Variants in ADK observed in about 807,000 individuals in gnomAD.
The protein encoded by ADK is N6,N6-dimethyladenosine kinase.
In ADK, 24 loss-of-function variants were observed where a neutral mutation model predicts 44.7. The ratio of observed to expected loss-of-function variants is 0.54; its 90% CI spans 0.39 to 0.76. The LOEUF is 0.76. Ranked by LOEUF, ADK falls within the 30% of genes least tolerant of loss-of-function variation. The probability of loss-of-function intolerance (pLI) is 0.00; values close to 1 mark genes in which losing one functional copy is unlikely to be tolerated. For missense variants in ADK, 321 were observed against 425.1 expected (o/e 0.76, Z 2.15); for synonymous variants, 128 against 142.6 (o/e 0.90, Z 0.73).
At chr10:74,399,512 C>T (rs1294091957) in intron 6 of ADK, among the ~76,000 whole-genome samples, 2 of 151,820 alleles carry the variant, frequency 1.3e-5, no homozygotes, top group Non-Finnish European at 2.9e-5. Context: ...CCCTTTATAA[C>T]TGTCAAATAA....
At chr10:74,601,382 C>A (rs1420580697) in intron 9 of ADK, among the ~76,000 whole-genome samples, 3 of 151,866 alleles carry the variant, frequency 2.0e-5, no homozygotes, top group Non-Finnish European at 4.4e-5. Context: ...TATTTTCTTT[C>A]TTTTTTAAAA....
chr10:74,582,898 G>A (rs1311757727), intron 7 of ADK, among the ~76,000 whole-genome samples: 1 of 152,104 alleles, frequency 6.6e-6, no homozygotes, highest in Non-Finnish European at 1.5e-5. Context: ...GGAAAAGCTA[G>A]TAGAGATACT....
intron 6 of ADK, among the ~76,000 whole-genome samples, chr10:74,501,810 G>A (rs190596039): frequency 5.3e-4 from 81 of 152,238 alleles, no homozygotes; most frequent in East Asian, 1.9e-3. Context: ...TAAATCCACA[G>A]AAACAAAAGC....
intron 7 of ADK, among the ~76,000 whole-genome samples, chr10:74,565,049 T>C (rs1850604373): frequency 6.6e-6 from 1 of 152,212 alleles, no homozygotes; most frequent in African/African-American, 2.4e-5. Flanking sequence ...TTTCTTTCCC[T>C]ATTCTGTGCC....
chr10:74,347,387 C>T (rs1034425145), intron 4 of ADK, among the ~76,000 whole-genome samples: 4 of 152,046 alleles, frequency 2.6e-5, no homozygotes, highest in African/African-American at 9.7e-5. Flanking sequence ...CTATCTGGCC[C>T]AGATACCATG....
rs944193857 is a variant in ADK at position 74,441,109 on chromosome 10, A to G, written c.555+42530A>G. The stretch of plus-strand genomic sequence containing the variant: ...TATGAACACCACCTTAGTTTTTATG[A>G]ACTCAGGACCTTACCTCCACTTTAT... On this transcript the variant is annotated intron_variant, in intron 6 of 10. Coordinates refer to ENST00000539909, the MANE Select transcript of ADK (RefSeq NM_006721.4). Among the ~76,000 whole-genome samples the G allele has an allele frequency of 8.5e-5, 13 of 152,326 alleles. No homozygotes were observed. In the South Asian group the frequency reaches 1.7e-3, roughly 19 times the overall value.
intron 9 of ADK, among the ~76,000 whole-genome samples, chr10:74,631,439 T>G (rs1853420139): frequency 1.3e-5 from 2 of 150,872 alleles, no homozygotes; most frequent in African/African-American, 4.9e-5. Context: ...TTTTTTTTAG[T>G]AGAGATGGGG....
chr10:74,580,740 C>A (rs999267951), intron 7 of ADK, among the ~76,000 whole-genome samples: 1 of 152,044 alleles, frequency 6.6e-6, no homozygotes, highest in East Asian at 1.9e-4. Context: ...TGTAAACTGC[C>A]CAGTCTTGGG....
chr10:74,273,459 CT>C (rs200697640), intron 3 of ADK, among the ~76,000 whole-genome samples: 42 of 147,408 alleles, frequency 2.8e-4, no homozygotes, highest in African/African-American at 6.7e-4. Flanking sequence ...TCTTCTTCTT[CT>C]TTTTTTTTTT....
At chr10:74,461,692 A>T (rs963966883) in intron 6 of ADK, among the ~76,000 whole-genome samples, 1 of 152,082 alleles carries the variant, frequency 6.6e-6, no homozygotes, top group Non-Finnish European at 1.5e-5. Flanking sequence ...TTATCTTTAC[A>T]GGTACTAGAC....
chr10:74,251,920 G>A (rs949927539), intron 3 of ADK, among the ~76,000 whole-genome samples: 5 of 72,128 alleles, frequency 6.9e-5, no homozygotes, highest in Non-Finnish European at 1.0e-4. Context: ...TTTTTTTGTC[G>A]ACTCACCTCT....
At chr10:74,561,940 T>C (rs577000960) in intron 7 of ADK, among the ~76,000 whole-genome samples, 1 of 152,360 alleles carries the variant, frequency 6.6e-6, no homozygotes, top group African/African-American at 2.4e-5. Flanking sequence ...TATGACGGTC[T>C]AGAGTTACAT....
chr10:74,171,580 C>T (rs753637237), intron 1 of ADK, among the ~76,000 whole-genome samples: 3 of 152,094 alleles, frequency 2.0e-5, no homozygotes, highest in Non-Finnish European at 4.4e-5. Flanking sequence ...ATCAGTCTTA[C>T]GAAGAGCAAA....
chr10:74,568,538 G>A (rs1177412809), intron 7 of ADK, among the ~76,000 whole-genome samples: 1 of 151,686 alleles, frequency 6.6e-6, no homozygotes, highest in Non-Finnish European at 1.5e-5. Flanking sequence ...ACAGTGCAAA[G>A]CAAAAGCAAG....
chr10:74,643,001 G>A (rs2134103794), intron 9 of ADK, among the ~76,000 whole-genome samples: 1 of 151,350 alleles, frequency 6.6e-6, no homozygotes, highest in East Asian at 1.9e-4. Flanking sequence ...CACCATATCT[G>A]GCTAACTTTT....
chr10:74,276,290 A>G (rs1378104149), intron 3 of ADK, among the ~76,000 whole-genome samples: 1 of 151,986 alleles, frequency 6.6e-6, no homozygotes, highest in African/African-American at 2.4e-5. Context: ...TGCACTGGAG[A>G]CTTTTTCTTC....
intron 4 of ADK, among the ~76,000 whole-genome samples, chr10:74,346,548 T>C (rs1386934011): frequency 3.3e-5 from 5 of 152,348 alleles, no homozygotes; most frequent in Admixed American, 6.5e-5. Context: ...AAATGCAAGA[T>C]TGAAAGGGTT....
At chr10:74,630,867 A>G (rs1471361200) in intron 9 of ADK, among the ~76,000 whole-genome samples, 2 of 152,146 alleles carry the variant, frequency 1.3e-5, no homozygotes, top group Admixed American at 6.5e-5. Flanking sequence ...ATTCAAAATT[A>G]TACACTTATT....
intron 3 of ADK, among the ~76,000 whole-genome samples, chr10:74,302,117 T>TTG (rs1564642318): frequency 2.3e-5 from 1 of 42,738 alleles, no homozygotes; most frequent in African/African-American, 6.5e-5. Context: ...TTGTTTTTTT[T>TTG]TTTTTTTTTT....
Sources: allele counts gnomAD v4.1 joint callset (sites outside exome capture counted in the v4.1 genomes callset), GRCh38; gene constraint gnomAD v4.1.1; transcripts MANE v1.5; gene names NCBI Gene and HGNC (gene_info 2026-07-23, HGNC 2026-07-21).